LGR5: variants seen among roughly 807,000 people sequenced by gnomAD.
LGR5 encodes the protein leucine-rich repeat-containing G protein-coupled receptor 5.
A neutral mutation model predicts 76.7 loss-of-function variants in LGR5; 54 were observed. The ratio of observed to expected loss-of-function variants is 0.70; its 90% CI spans 0.57 to 0.88. LGR5 has a LOEUF of 0.88. LGR5 is among the 40% of genes least tolerant of loss of function. LGR5 has a pLI of 0.00. For missense variants in LGR5, 1,078 were observed against 1,073.3 expected (o/e 1.00, Z -0.06); for synonymous variants, 406 against 421.9 (o/e 0.96, Z 0.46).
intron 1 of LGR5, among the ~76,000 whole-genome samples, chr12:71,471,268 G>T (rs761280097): frequency 6.6e-6 from 1 of 151,792 alleles, no homozygotes; most frequent in Non-Finnish European, 1.5e-5. Flanking sequence ...ACTGATGAAT[G>T]GATAAATACA....
intron 11 of LGR5, among the ~76,000 whole-genome samples, chr12:71,571,019 T>A (rs567967125): frequency 6.6e-6 from 1 of 152,302 alleles, no homozygotes; most frequent in South Asian, 2.1e-4. Flanking sequence ...TTTGTTGAAT[T>A]TTGGCTGAAG....
At chr12:71,582,244 T>G (rs1879122839) in intron 16 of LGR5, 3 of 486,000 alleles carry the variant, frequency 6.2e-6, no homozygotes, top group South Asian at 5.3e-5. Flanking sequence ...CTTGGGTCAC[T>G]CTCCCTCACC....
At chr12:71,446,118 G>A (rs1222044472) in intron 1 of LGR5, among the ~76,000 whole-genome samples, 1 of 152,184 alleles carries the variant, frequency 6.6e-6, no homozygotes, top group Non-Finnish European at 1.5e-5. Flanking sequence ...GTAAATACCA[G>A]TAATGTTGAA....
chr12:71,534,425 G>A (rs1047906349), intron 3 of LGR5, among the ~76,000 whole-genome samples: 2 of 152,158 alleles, frequency 1.3e-5, no homozygotes, highest in African/African-American at 2.4e-5. Context: ...AAGCCATGCA[G>A]AGAAGGGAGA....
At chr12:71,566,513 A>G in intron 9 of LGR5, 38 bp downstream of exon 9, 7 of 1,552,170 alleles carry the variant, frequency 4.5e-6, no homozygotes, top group African/African-American at 1.4e-5. Flanking sequence ...CTTTCCCTCT[A>G]CAGGGTTGCT....
chr12:71,441,807 G>A (rs1050041214), intron 1 of LGR5: 20 of 152,150 alleles, frequency 1.3e-4, no homozygotes, highest in African/African-American at 4.6e-4. Context: ...ATGTGGTAGT[G>A]ATATCGTTCC....
At chr12:71,501,275 A>C (rs913025938) in intron 1 of LGR5, among the ~76,000 whole-genome samples, 1 of 152,210 alleles carries the variant, frequency 6.6e-6, no homozygotes, top group Admixed American at 6.5e-5. Context: ...ATTTTGCATA[A>C]ATTAGAAAGG....
chr12:71,525,639 T>G (rs1169941392), intron 3 of LGR5, among the ~76,000 whole-genome samples: 1 of 151,832 alleles, frequency 6.6e-6, no homozygotes, highest in African/African-American at 2.4e-5. Context: ...CACTAAGTAT[T>G]TGGGATACTT....
At chr12:71,519,147 C>T (rs1875597884) in intron 2 of LGR5, among the ~76,000 whole-genome samples, 1 of 152,150 alleles carries the variant, frequency 6.6e-6, no homozygotes, top group Non-Finnish European at 1.5e-5. Flanking sequence ...TTATTCCACT[C>T]CAGCCATGCT....
intron 1 of LGR5, among the ~76,000 whole-genome samples, chr12:71,470,384 T>C (rs1224535878): frequency 6.6e-6 from 1 of 152,206 alleles, no homozygotes; most frequent in African/African-American, 2.4e-5. Flanking sequence ...TTTCATTGTA[T>C]GTACTTTAAC....
intron 3 of LGR5, among the ~76,000 whole-genome samples, chr12:71,531,289 A>G (rs955437623): frequency 2.6e-5 from 4 of 152,166 alleles, no homozygotes; most frequent in African/African-American, 4.8e-5. Flanking sequence ...TTTTGTTTCA[A>G]TTGCACCCCC....
chr12:71,479,507 A>C (rs1465925750), intron 1 of LGR5, among the ~76,000 whole-genome samples: 1 of 152,220 alleles, frequency 6.6e-6, no homozygotes, highest in East Asian at 1.9e-4. Flanking sequence ...TAAGTCAGTA[A>C]GTAATGAAAG....
chr12:71,524,308 G>C, intron 2 of LGR5, 98 bp from the exon 3 acceptor site: 1 of 728,964 alleles, frequency 1.4e-6, no homozygotes, highest in Non-Finnish European at 2.2e-6. Context: ...TTTGATATTT[G>C]TGGTTTAAAC....
At chr12:71,527,617 A>C (rs1431884446) in intron 3 of LGR5, among the ~76,000 whole-genome samples, 1 of 152,206 alleles carries the variant, frequency 6.6e-6, no homozygotes, top group Non-Finnish European at 1.5e-5. Flanking sequence ...CAAACTTTTG[A>C]GGAAATTCAT....
At chr12:71,565,329 C>T (rs1305416298) in intron 8 of LGR5, among the ~76,000 whole-genome samples, 1 of 151,194 alleles carries the variant, frequency 6.6e-6, no homozygotes, top group Non-Finnish European at 1.5e-5. Flanking sequence ...ATGAGCTTGC[C>T]AAGGTGTCTG....
At chr12:71,538,810 A>G (rs996249436) in intron 4 of LGR5, among the ~76,000 whole-genome samples, 5 of 152,130 alleles carry the variant, frequency 3.3e-5, no homozygotes, top group Non-Finnish European at 5.9e-5. Context: ...GTGAGCTATG[A>G]TCCTGCCACT....
At chr12:71,469,660 G>A (rs1381213960) in intron 1 of LGR5, among the ~76,000 whole-genome samples, 1 of 152,198 alleles carries the variant, frequency 6.6e-6, no homozygotes. Flanking sequence ...AAGGATAAAC[G>A]CATGAAGGCT....
intron 1 of LGR5, among the ~76,000 whole-genome samples, chr12:71,471,177 G>C (rs67396812): frequency 0.046 from 6,985 of 152,220 alleles, 174 homozygotes; most frequent in African/African-American, 0.078. Context: ...TATAGTAAAT[G>C]ATTAATAAAT....
chr12:71,583,331 G>A (rs1218703482), intron 17 of LGR5: 1 of 282,642 alleles, frequency 3.5e-6, no homozygotes, highest in Non-Finnish European at 6.6e-6. Flanking sequence ...GAAAAGTCCA[G>A]GAGATCTGGC....
Sources: gnomAD v4.1 joint callset for allele counts (sites outside exome capture counted in the v4.1 genomes callset) on GRCh38, gnomAD v4.1.1 for gene constraint, MANE v1.5 for transcripts, NCBI Gene and HGNC (gene_info 2026-07-23, HGNC 2026-07-21) for gene names.